Variants in IRAG2 observed in about 807,000 individuals in gnomAD.
IRAG2 encodes lymphoid restricted membrane protein.
A neutral mutation model predicts 69.9 loss-of-function variants in IRAG2; 45 were observed. That is an observed-to-expected ratio of 0.64 (90% CI 0.51 to 0.83). The LOEUF (loss-of-function observed/expected upper bound fraction) is 0.83. Among genes scored for constraint, IRAG2 ranks in the 40% least tolerant of loss-of-function variants. The pLI is 0.00. For synonymous variants in IRAG2, 193 were observed against 202.4 expected, an observed-to-expected ratio of 0.95 and a Z score of 0.40; for missense variants, 520 against 587.0, an observed-to-expected ratio of 0.89 and a Z score of 1.18.
intron 7 of IRAG2, chr12:25,023,838 T>C: frequency 9.0e-7 from 1 of 1,117,250 alleles, no homozygotes; most frequent in Non-Finnish European, 1.1e-6. Context: ...ACATCTTAAA[T>C]ATATTTTAAT....
rs149941754 is a variant in IRAG2, at chr12:25,101,182, G to A, written c.746G>A (p.Ser249Asn). ...GCTCGTTTTTTCTCTTGCTAGGAAA[G>A]CCGGGTTAGTAAAGCAGTTGAAGTG... ...AEMLGAINQE[S>N]RVSKAVEVMI... The change falls in exon 16 of 22, where the codon AGC (serine) becomes AAC (asparagine). Residue 249 changes from serine (S) to asparagine (N), a missense_variant. Transcript: ENST00000556887. The A allele has an allele frequency of 1.9e-5, 31 of 1,594,038 alleles. No individual in the cohort carries two copies. Among genetic ancestry groups the A allele is most frequent in the Non-Finnish European group, 2.6e-5 (31 of 1,170,118 alleles).
chr12:25,095,070 C>T (rs1043160994), intron 14 of IRAG2, among the ~76,000 whole-genome samples: 14 of 152,012 alleles, frequency 9.2e-5, no homozygotes, highest in African/African-American at 3.4e-4. Context: ...TCATTATTTT[C>T]CTTGCCTAAT....
intron 1 of IRAG2, among the ~76,000 whole-genome samples, chr12:25,057,252 ATTTTTTTT>A (rs368710047): frequency 5.6e-5 from 5 of 89,052 alleles, no homozygotes; most frequent in African/African-American, 1.8e-4. Flanking sequence ...AGGTAGACAG[ATTTTTTTT>A]TTTTTTTTTT....
At chr12:25,055,204 G>A (rs1193598876) in intron 1 of IRAG2, among the ~76,000 whole-genome samples, 1 of 152,186 alleles carries the variant, frequency 6.6e-6, no homozygotes, top group African/African-American at 2.4e-5. Context: ...ATTTATATGT[G>A]ATGTTTGATC....
At chr12:25,056,952 C>A (rs1377630794) in intron 1 of IRAG2, among the ~76,000 whole-genome samples, 1 of 152,172 alleles carries the variant, frequency 6.6e-6, no homozygotes, top group Non-Finnish European at 1.5e-5. Context: ...TCTACCCCAG[C>A]CTTGTAGAGC....
chr12:25,096,852 A>G (rs1948449511), intron 14 of IRAG2, 58 bp from the exon 15 acceptor site: 1 of 1,452,188 alleles, frequency 6.9e-7, no homozygotes, highest in Non-Finnish European at 9.4e-7. Context: ...AGTCAGTGTT[A>G]GAATCACTCG....
At position 25,066,420 on chromosome 12, in the gene IRAG2, C is replaced by T. The variant is rs1161656917; in HGVS notation, c.-151C>T. On this transcript the variant is annotated 5_prime_UTR_variant, in exon 5 of 22. Transcript: ENST00000556887. ...TTCCAACCCTGGAATCAACACCTTT[C>T]TCAGGTGTAGCCAACCAAATCCACA... 1.0e-5 allele frequency: 4 copies of T among 401,054 alleles called. No individual in the cohort carries two copies. The highest frequency in any genetic ancestry group is 1.8e-5 in the Non-Finnish European group (4 of 226,230). The allele number at this position is 401,054 out of a possible 1,614,324, so 24.8% of individuals were successfully genotyped here.
At chr12:25,047,802 T>A (rs986769705), upstream of IRAG2, among the ~76,000 whole-genome samples, 1 of 152,244 alleles carries the variant, frequency 6.6e-6, no homozygotes, top group Non-Finnish European at 1.5e-5. Flanking sequence ...TGTTCCTTTT[T>A]ATGACTGCGT....
At chr12:25,032,342 T>C (rs1944674499) in exon 12 of IRAG2, 4 of 398,926 alleles carry the variant, frequency 1.0e-5, no homozygotes, top group Non-Finnish European at 1.8e-5. Flanking sequence ...GCTCATGAGT[T>C]ACAGCACTTG....
At chr12:25,039,408 C>A (rs917558257) in intron 16 of IRAG2, among the ~76,000 whole-genome samples, 1 of 152,192 alleles carries the variant, frequency 6.6e-6, no homozygotes, top group African/African-American at 2.4e-5. Context: ...TACACAGATA[C>A]CGTCTCCACA....
chr12:25,046,383 A>T (rs1413351468), intron 16 of IRAG2, among the ~76,000 whole-genome samples: 1 of 152,098 alleles, frequency 6.6e-6, no homozygotes, highest in Non-Finnish European at 1.5e-5. Context: ...AATAAAAGGC[A>T]TATAAATATA....
At chr12:25,044,062 GTAT>G (rs1944772040) in intron 16 of IRAG2, among the ~76,000 whole-genome samples, 3 of 151,978 alleles carry the variant, frequency 2.0e-5, no homozygotes, top group African/African-American at 2.4e-5. Flanking sequence ...AAAGTTAAAA[GTAT>G]TATAAGTAAA....
intron 9 of IRAG2, among the ~76,000 whole-genome samples, chr12:25,027,749 G>T (rs542656650): frequency 6.6e-6 from 1 of 152,140 alleles, no homozygotes; most frequent in East Asian, 1.9e-4. Context: ...ATCAAATTTT[G>T]TTTGTTCACT....
rs756463768 is a variant in IRAG2, at chr12:25,101,160, C to T, written c.742-18C>T. ...GTAGTATTTTCAATGTAAATGTGCT[C>T]GTTTTTTCTCTTGCTAGGAAAGCCG... is the stretch of plus-strand genomic sequence containing the variant. On this transcript the variant is annotated intron_variant, in intron 15 of 21. Coordinates refer to ENST00000556887, the MANE Select transcript of IRAG2 (RefSeq NM_001366544.2). 4.4e-6 allele frequency: 7 copies of T among 1,585,168 alleles called. No homozygotes were observed. Among genetic ancestry groups the T allele is most frequent in the East Asian group, 2.3e-5 (1 of 44,034 alleles).
At chr12:25,104,303 T>C (rs1948916090) in intron 19 of IRAG2, 58 bp from the exon 20 acceptor site, 8 of 1,178,758 alleles carry the variant, frequency 6.8e-6, no homozygotes, top group African/African-American at 1.5e-5. Flanking sequence ...AGGAAATAAA[T>C]TGATAATGGC....
chr12:25,051,956 G>C (rs1278093029), upstream of IRAG2, among the ~76,000 whole-genome samples: 1 of 152,176 alleles, frequency 6.6e-6, no homozygotes, highest in Non-Finnish European at 1.5e-5. Context: ...TAAGTGCTAT[G>C]AATGCAGCTG....
In IRAG2 at chr12:25,069,347, C is replaced by T. The variant is rs1265859351; in HGVS notation, c.-58-3C>T. ...AGTAAATAACTCTACTTCCTACTGC[C>T]AGGTGCCCAGGCCCCACAAGTGGCC... On this transcript the variant is annotated splice_region_variant and splice_polypyrimidine_tract_variant and intron_variant, in intron 5 of 21. Coordinates refer to ENST00000556887, the MANE Select transcript of IRAG2 (RefSeq NM_001366544.2). 1.4e-6 allele frequency: 2 copies of T among 1,408,962 alleles called. No homozygotes were observed. The highest frequency in any genetic ancestry group is 2.0e-6 in the Non-Finnish European group (2 of 1,000,124). 87.3% of individuals were successfully genotyped at this position (1,408,962 alleles called of 1,614,324 possible). A position where few individuals can be genotyped will look rare whatever the true frequency, so the allele number is the denominator to read the frequency against.
At chr12:25,003,626 C>T (rs79896326), upstream of IRAG2, among the ~76,000 whole-genome samples, 160 of 152,134 alleles carry the variant, frequency 1.1e-3, 2 homozygotes, top group East Asian at 0.014. Flanking sequence ...TATCTTGCTA[C>T]GCAATAAAAC....
chr12:25,063,084 C>A (rs1945729828), intron 3 of IRAG2, among the ~76,000 whole-genome samples, 184 bp downstream of exon 3: 1 of 152,256 alleles, frequency 6.6e-6, no homozygotes, highest in Admixed American at 6.5e-5. Context: ...CACACACAAA[C>A]CTAGTTGGTC....
Sources: allele counts gnomAD v4.1 joint callset (sites outside exome capture counted in the v4.1 genomes callset), GRCh38; gene constraint gnomAD v4.1.1; transcripts MANE v1.5; gene names NCBI Gene and HGNC (gene_info 2026-07-23, HGNC 2026-07-21).